Variants in PATJ observed in about 807,000 individuals in gnomAD.
PATJ encodes PATJ crumbs cell polarity complex component.
A neutral mutation model predicts 224.9 loss-of-function variants in PATJ; 190 were observed. The observed-to-expected ratio is 0.84, with a 90% confidence interval of 0.75 to 0.95. The LOEUF is 0.95. Among genes scored for constraint, PATJ ranks in the 40% least tolerant of loss-of-function variants. The pLI is 0.00. For missense variants in PATJ, 2,121 were observed against 2,270.3 expected (o/e 0.93, Z 1.34); for synonymous variants, 769 against 820.3 (o/e 0.94, Z 1.07).
intron 17 of PATJ, 97 bp from the exon 18 acceptor site, chr1:61,855,933 T>TGGTCAAATAAGATTCATC (rs1553180552): frequency 1.2e-6 from 1 of 803,612 alleles, no homozygotes; most frequent in Non-Finnish European, 2.1e-6. Context: ...ATGAAGTAAG[T>TGGTCAAATAAGATTCATC]GGTCAAATAA....
At chr1:61,818,732 T>C (rs1332436211) in intron 14 of PATJ, among the ~76,000 whole-genome samples, 1 of 152,166 alleles carries the variant, frequency 6.6e-6, no homozygotes, top group African/African-American at 2.4e-5. Flanking sequence ...CTAGGGAGCA[T>C]GTGGTGTTTA....
chr1:61,955,776 T>G (rs1016708835), intron 27 of PATJ, among the ~76,000 whole-genome samples: 1 of 152,242 alleles, frequency 6.6e-6, no homozygotes, highest in Non-Finnish European at 1.5e-5. Context: ...CAAGTCTAGA[T>G]GACTACAAAG....
intron 1 of PATJ, among the ~76,000 whole-genome samples, chr1:61,751,153 A>G (rs60977732): frequency 0.013 from 2,033 of 151,906 alleles, 54 homozygotes; most frequent in African/African-American, 0.046. Flanking sequence ...AGGTGTGCAC[A>G]ATGACACCTG....
chr1:61,872,896 G>C (rs1484727346), intron 20 of PATJ, among the ~76,000 whole-genome samples: 1 of 152,158 alleles, frequency 6.6e-6, no homozygotes, highest in Non-Finnish European at 1.5e-5. Flanking sequence ...CTGGGGCTCT[G>C]CTACCTTGCC....
At chr1:61,885,181 A>T (rs1668642177) in intron 22 of PATJ, among the ~76,000 whole-genome samples, 1 of 152,116 alleles carries the variant, frequency 6.6e-6, no homozygotes, top group Non-Finnish European at 1.5e-5. Flanking sequence ...GACAAATGGG[A>T]TCTAATTAAA....
At chr1:61,811,680 T>A (rs914682558) in intron 14 of PATJ, among the ~76,000 whole-genome samples, 3 of 149,084 alleles carry the variant, frequency 2.0e-5, no homozygotes, top group Non-Finnish European at 3.0e-5. Flanking sequence ...ATCTATTAAG[T>A]GCTTAATTTT....
intron 30 of PATJ, among the ~76,000 whole-genome samples, chr1:62,044,955 C>T (rs1053278048): frequency 3.9e-5 from 6 of 152,288 alleles, no homozygotes; most frequent in East Asian, 1.9e-4. Flanking sequence ...CGGTGACTCA[C>T]GCCTGTAATC....
At chr1:62,090,583 G>A (rs74076528) in intron 33 of PATJ, among the ~76,000 whole-genome samples, 12,551 of 152,032 alleles carry the variant, frequency 0.083, 962 homozygotes, top group African/African-American at 0.21. Context: ...CTTATTAGCC[G>A]GGAAGCCAGA....
At chr1:61,810,906 A>G (rs1302802164) in intron 14 of PATJ, among the ~76,000 whole-genome samples, 4 of 152,076 alleles carry the variant, frequency 2.6e-5, no homozygotes, top group Admixed American at 2.6e-4. Context: ...CCTGGGCAAC[A>G]AGAGGGAAAC....
At chr1:62,099,347 CTTTTTTTTTTTT>C (rs71050197) in intron 33 of PATJ, among the ~76,000 whole-genome samples, 5 of 55,676 alleles carry the variant, frequency 9.0e-5, no homozygotes, top group East Asian at 4.0e-4. Context: ...ATATCTCCAA[CTTTTTTTTTTTT>C]TTTTTTTTTT....
intron 29 of PATJ, among the ~76,000 whole-genome samples, chr1:62,020,335 A>T (rs1424024001): frequency 6.6e-6 from 1 of 152,178 alleles, no homozygotes; most frequent in Non-Finnish European, 1.5e-5. Flanking sequence ...CTACCACAAG[A>T]GCTGTTATCA....
intron 33 of PATJ, among the ~76,000 whole-genome samples, chr1:62,093,187 C>G (rs1402852203): frequency 6.6e-6 from 1 of 152,158 alleles, no homozygotes; most frequent in East Asian, 1.9e-4. Context: ...GGTAGACATA[C>G]TCTCCCATTT....
chr1:61,742,525 C>G lies in PATJ; in HGVS notation c.-66C>G, dbSNP rs1644803776. Reference sequence around the variant, plus strand: ...GGGCCGACACCGAGCCCGCCCGACCCGGGCTCCCACCTGCTCCTCCAGCGC... The same window carrying G: ...GGGCCGACACCGAGCCCGCCCGACCGGGGCTCCCACCTGCTCCTCCAGCGC... On this transcript the variant is annotated 5_prime_UTR_variant, in exon 1 of 44. Coordinates refer to ENST00000642238, the MANE Select transcript of PATJ (RefSeq NM_001350145.3). The G allele has an allele frequency of 1.3e-5, 2 of 152,532 alleles. No homozygotes were observed. The highest frequency in any genetic ancestry group is 1.3e-4 in the Admixed American group (2 of 15,284). The allele number at this position is 152,532 out of a possible 1,614,324, so 9.4% of individuals were successfully genotyped here. A position where few individuals can be genotyped will look rare whatever the true frequency, so the allele number is the denominator to read the frequency against.
chr1:62,135,448 A>C (rs1015148232), intron 41 of PATJ, among the ~76,000 whole-genome samples: 2 of 142,812 alleles, frequency 1.4e-5, no homozygotes, highest in Admixed American at 1.5e-4. Context: ...CTCGGGAGGC[A>C]GAGGTTGCAA....
chr1:62,117,284 T>A (rs1388748220), intron 37 of PATJ, 66 bp downstream of exon 37: 1 of 1,605,220 alleles, frequency 6.2e-7, no homozygotes, highest in Non-Finnish European at 8.5e-7. Flanking sequence ...GTTCCCCATT[T>A]AATAAATGGT....
chr1:62,158,805 C>T (rs940265370), intron 43 of PATJ, among the ~76,000 whole-genome samples: 13 of 150,646 alleles, frequency 8.6e-5, no homozygotes, highest in Non-Finnish European at 1.3e-4. Context: ...AAAAATTAGC[C>T]GGGCCTGGTG....
intron 33 of PATJ, among the ~76,000 whole-genome samples, chr1:62,101,386 C>CT (rs202028528): frequency 0.03 from 4,579 of 151,314 alleles, 211 homozygotes; most frequent in African/African-American, 0.11. Flanking sequence ...GCCTCAGCCT[C>CT]TGAGTAGCTG....
At chr1:61,782,106 A>G (rs1362935135) in intron 7 of PATJ, among the ~76,000 whole-genome samples, 1 of 152,220 alleles carries the variant, frequency 6.6e-6, no homozygotes, top group Non-Finnish European at 1.5e-5. Flanking sequence ...AGGCACCTAG[A>G]GCCATTTTTA....
intron 17 of PATJ, among the ~76,000 whole-genome samples, chr1:61,855,642 G>A (rs1663533787): frequency 6.6e-6 from 1 of 152,104 alleles, no homozygotes; most frequent in South Asian, 2.1e-4. Context: ...CTTGAATCCT[G>A]GGCTCAAGCA....
Sources: gnomAD v4.1 joint callset for allele counts (sites outside exome capture counted in the v4.1 genomes callset) on GRCh38, gnomAD v4.1.1 for gene constraint, MANE v1.5 for transcripts, NCBI Gene and HGNC (gene_info 2026-07-23, HGNC 2026-07-21) for gene names.